The following CCSER1 variants were observed in gnomAD, a reference collection of about 807,000 sequenced individuals.
CCSER1 encodes coiled-coil serine rich protein 1, also known as serine-rich coiled-coil domain-containing protein 1.
A neutral mutation model predicts 82.0 loss-of-function variants in CCSER1; 41 were observed. That is an observed-to-expected ratio of 0.50 (90% confidence interval 0.39 to 0.65). The LOEUF (loss-of-function observed/expected upper bound fraction) is 0.65. Ranked by LOEUF, CCSER1 falls within the 30% of genes least tolerant of loss-of-function variation. CCSER1 has a pLI of 0.00. For synonymous variants in CCSER1, 414 were observed against 383.9 expected, an observed-to-expected ratio of 1.08 and a Z score of -0.92; for missense variants, 1,119 against 1,064.2, an observed-to-expected ratio of 1.05 and a Z score of -0.72.
intron 1 of CCSER1, among the ~76,000 whole-genome samples, chr4:90,263,121 A>T (rs562359735): frequency 6.6e-6 from 1 of 152,154 alleles, no homozygotes; most frequent in Admixed American, 6.5e-5. Flanking sequence ...CATCTCTGCT[A>T]TGAGAAACTT....
intron 4 of CCSER1, among the ~76,000 whole-genome samples, chr4:90,413,962 AAAAAAAAAAAAAAAAAAAAATATATATAT>A (rs1362844546): frequency 4.5e-5 from 5 of 111,702 alleles, no homozygotes; most frequent in African/African-American, 2.1e-4. Flanking sequence ...AAAAAAAAAA[AAAAAAAAAAAAAAAAAAAAATATATATAT>A]ATATATATAT....
chr4:91,501,272 GTTGAT>G (rs1440870287), intron 10 of CCSER1, among the ~76,000 whole-genome samples: 1 of 151,596 alleles, frequency 6.6e-6, no homozygotes, highest in African/African-American at 2.4e-5. Context: ...TTTTGTTGTT[GTTGAT>G]TTAAGCCTCC....
At chr4:91,331,210 A>C (rs1746928905) in intron 10 of CCSER1, among the ~76,000 whole-genome samples, 1 of 152,128 alleles carries the variant, frequency 6.6e-6, no homozygotes, top group South Asian at 2.1e-4. Context: ...CATACAGAGG[A>C]GTTGAATAAC....
At chr4:90,698,469 T>C (rs1444274827) in intron 6 of CCSER1, among the ~76,000 whole-genome samples, 1 of 152,184 alleles carries the variant, frequency 6.6e-6, no homozygotes, top group Non-Finnish European at 1.5e-5. Context: ...AATATAGAGA[T>C]GGGAACCTGG....
chr4:91,180,553 C>G (rs2149028430), intron 10 of CCSER1, among the ~76,000 whole-genome samples: 2 of 152,342 alleles, frequency 1.3e-5, no homozygotes, highest in Non-Finnish European at 2.9e-5. Flanking sequence ...GCAGTTTGAC[C>G]TCAGACTGCT....
chr4:90,285,111 G>C lies in CCSER1; in HGVS notation c.-41-23133G>C, dbSNP rs375413521. Among the ~76,000 whole-genome samples, 11 of 152,120 alleles carry C rather than the reference G, an allele frequency of 7.2e-5. No homozygotes were observed. In the East Asian group the frequency reaches 9.7e-4, roughly 13 times the overall value. ...GCTCCAGTTTTGTTCTCTTTGCTCA[G>C]AATTGCTTTGGCTATTCTGGGTTGT... is the stretch of plus-strand genomic sequence containing the variant. On this transcript the variant is annotated intron_variant, in intron 1 of 10. Coordinates refer to ENST00000509176, the MANE Select transcript of CCSER1 (RefSeq NM_001145065.2).
chr4:91,046,177 G>A (rs1165640073), intron 9 of CCSER1, among the ~76,000 whole-genome samples: 2 of 145,806 alleles, frequency 1.4e-5, no homozygotes, highest in African/African-American at 5.1e-5. Context: ...ACTTGCAAAT[G>A]GATGAGAAGT....
rs150925797 is a variant in CCSER1 at position 90,920,966 on chromosome 4, A to T, written c.2095-2404A>T. 9.9e-5 allele frequency among the ~76,000 whole-genome samples: 15 copies of T among 151,906 alleles called. 1 individual carries two copies. The highest frequency in any genetic ancestry group is 3.4e-4 in the African/African-American group (14 of 41,550). On this transcript the variant is annotated intron_variant, in intron 8 of 10. Transcript: ENST00000509176. ...TGTGAAACTGAAAATACATGATGAT[A>T]CTTTGTTTCTATATCTCTGATAAAA... is the stretch of plus-strand genomic sequence containing the variant.
intron 1 of CCSER1, among the ~76,000 whole-genome samples, chr4:90,265,783 C>T (rs987169336): frequency 6.6e-6 from 1 of 151,984 alleles, no homozygotes; most frequent in African/African-American, 2.4e-5. Context: ...ATAAATTGGT[C>T]ATAATTGTAT....
intron 5 of CCSER1, among the ~76,000 whole-genome samples, chr4:90,624,341 G>A (rs557684434): frequency 2.2e-4 from 33 of 152,226 alleles, no homozygotes; most frequent in African/African-American, 7.0e-4. Context: ...GATTTGAAGA[G>A]CACTTGTGGG....
At chr4:91,305,318 A>G (rs151119407) in intron 10 of CCSER1, among the ~76,000 whole-genome samples, 8 of 152,220 alleles carry the variant, frequency 5.3e-5, no homozygotes, top group African/African-American at 7.2e-5. Context: ...TAAAATGACT[A>G]TAACAGTAAA....
rs149593132 is a variant in CCSER1 at position 90,412,604 on chromosome 4, A to G, written c.1603+12475A>G. Among the ~76,000 whole-genome samples, 22 of 152,246 alleles carry G rather than the reference A, an allele frequency of 1.4e-4. No homozygotes were observed. In the East Asian group the frequency reaches 4.2e-3, roughly 29 times the overall value. ...GAGGGATGCAGGGATGGTTTAACAG[A>G]TGTAAGTCAATAAAAGTGACACACA... On this transcript the variant is annotated intron_variant, in intron 4 of 10. Coordinates refer to ENST00000509176, the MANE Select transcript of CCSER1 (RefSeq NM_001145065.2).
rs1762345874 is a variant in CCSER1 at position 91,555,243 on chromosome 4, C to T, written c.2218-43329C>T. On this transcript the variant is annotated intron_variant, in intron 10 of 10. Coordinates refer to ENST00000509176, the MANE Select transcript of CCSER1 (RefSeq NM_001145065.2). ...GTAAATTGGCCCAGACTCACACTAC[C>T]AAATTCAGCTTCTTCAAGTCACATT... Among the ~76,000 whole-genome samples, 3 of 151,056 alleles carry T rather than the reference C, an allele frequency of 2.0e-5. No individual in the cohort carries two copies. In the South Asian group the frequency reaches 6.3e-4, roughly 32 times the overall value.
At chr4:91,403,794 T>C (rs1242956749) in intron 10 of CCSER1, among the ~76,000 whole-genome samples, 1 of 152,204 alleles carries the variant, frequency 6.6e-6, no homozygotes. Context: ...GGATTCAGTT[T>C]GCCAGTATTT....
At chr4:90,352,357 C>CA (rs749329578) in intron 3 of CCSER1, among the ~76,000 whole-genome samples, 186 of 150,748 alleles carry the variant, frequency 1.2e-3, no homozygotes, top group Non-Finnish European at 2.1e-3. Flanking sequence ...CAAAACAAAA[C>CA]AAATAAACAA....
intron 10 of CCSER1, among the ~76,000 whole-genome samples, chr4:91,100,388 T>C (rs1207494116): frequency 6.6e-6 from 1 of 152,056 alleles, no homozygotes; most frequent in African/African-American, 2.4e-5. Flanking sequence ...ATTATTATTA[T>C]TTATATAATC....
intron 1 of CCSER1, among the ~76,000 whole-genome samples, chr4:90,287,655 C>T (rs191286723): frequency 1.3e-5 from 2 of 151,838 alleles, no homozygotes; most frequent in African/African-American, 4.8e-5. Flanking sequence ...ATAGTAGATT[C>T]ATGAGATTAG....
At chr4:91,017,955 G>C (rs1377957684) in intron 9 of CCSER1, among the ~76,000 whole-genome samples, 2 of 151,636 alleles carry the variant, frequency 1.3e-5, no homozygotes, top group African/African-American at 4.8e-5. Context: ...CTTCCGGAGT[G>C]GTATTTAATA....
intron 3 of CCSER1, among the ~76,000 whole-genome samples, chr4:90,330,567 G>A (rs1226869461): frequency 2.6e-5 from 4 of 152,064 alleles, no homozygotes; most frequent in Admixed American, 6.6e-5. Flanking sequence ...TGACCCAGCC[G>A]TCCACTGGAA....
Sources: gnomAD v4.1 joint callset for allele counts (sites outside exome capture counted in the v4.1 genomes callset) on GRCh38, gnomAD v4.1.1 for gene constraint, MANE v1.5 for transcripts, NCBI Gene and HGNC (gene_info 2026-07-23, HGNC 2026-07-21) for gene names.